ADAMTS19: variants seen among roughly 807,000 people sequenced by gnomAD.
ADAMTS19 encodes the protein ADAM metallopeptidase with thrombospondin type 1 motif 19, also known as A disintegrin and metalloproteinase with thrombospondin motifs 19.
In ADAMTS19, 93 loss-of-function variants were observed where a neutral mutation model predicts 153.3. That is an observed-to-expected ratio of 0.61 (90% CI 0.51 to 0.72). The LOEUF is 0.72. Among genes scored for constraint, ADAMTS19 ranks in the 30% least tolerant of loss-of-function variants. The probability of loss-of-function intolerance (pLI) is 0.00; values close to 1 mark genes in which losing one functional copy is unlikely to be tolerated. For synonymous variants in ADAMTS19, 600 were observed against 556.6 expected (o/e 1.08, Z -1.10); for missense variants, 1,482 against 1,552.1 (o/e 0.95, Z 0.76).
At chr5:129,539,526 A>G (rs1250782951) in intron 6 of ADAMTS19, among the ~76,000 whole-genome samples, 1 of 152,048 alleles carries the variant, frequency 6.6e-6, no homozygotes, top group Non-Finnish European at 1.5e-5. Flanking sequence ...TAAGCCACTA[A>G]GTTCATGGTA....
intron 16 of ADAMTS19, 37 bp downstream of exon 16, chr5:129,665,616 C>G: frequency 6.7e-7 from 1 of 1,501,404 alleles, no homozygotes; most frequent in Non-Finnish European, 9.2e-7. Context: ...GATCCAAGTA[C>G]GAGCCCAACT....
At chr5:129,607,215 C>G (rs1360253264) in intron 8 of ADAMTS19, among the ~76,000 whole-genome samples, 1 of 152,196 alleles carries the variant, frequency 6.6e-6, no homozygotes, top group Non-Finnish European at 1.5e-5. Flanking sequence ...CCACACCCAG[C>G]CTGTTTCCAC....
intron 17 of ADAMTS19, among the ~76,000 whole-genome samples, chr5:129,680,645 C>G (rs1336258946): frequency 2.0e-5 from 3 of 151,704 alleles, no homozygotes; most frequent in Non-Finnish European, 2.9e-5. Flanking sequence ...GCCTGTAATC[C>G]CAGCTACTCA....
At chr5:129,519,364 C>T (rs1341102637) in intron 3 of ADAMTS19, among the ~76,000 whole-genome samples, 2 of 152,050 alleles carry the variant, frequency 1.3e-5, no homozygotes, top group Non-Finnish European at 2.9e-5. Context: ...ACAAAGTCTT[C>T]CACACGTTTC....
chr5:129,650,246 T>C (rs1055120619), intron 13 of ADAMTS19, among the ~76,000 whole-genome samples: 4 of 152,146 alleles, frequency 2.6e-5, no homozygotes, highest in Admixed American at 6.5e-5. Context: ...CCACCAAAAG[T>C]GGTGACAGAT....
At chr5:129,535,573 T>A (rs928190088) in intron 6 of ADAMTS19, among the ~76,000 whole-genome samples, 1 of 152,126 alleles carries the variant, frequency 6.6e-6, no homozygotes, top group Non-Finnish European at 1.5e-5. Flanking sequence ...TTAAAGTTCA[T>A]AGGGAACCAA....
chr5:129,535,200 A>T (rs2126784519), intron 6 of ADAMTS19, among the ~76,000 whole-genome samples: 1 of 152,354 alleles, frequency 6.6e-6, no homozygotes, highest in Admixed American at 6.5e-5. Flanking sequence ...TAAGCTGATA[A>T]GCAACTTCAG....
At chr5:129,673,208 CTA>C (rs1754391743) in intron 16 of ADAMTS19, among the ~76,000 whole-genome samples, 1 of 151,912 alleles carries the variant, frequency 6.6e-6, no homozygotes, top group Non-Finnish European at 1.5e-5. Context: ...TTTCTTGCTT[CTA>C]TTTACATTGG....
intron 3 of ADAMTS19, among the ~76,000 whole-genome samples, chr5:129,516,224 A>G (rs1751599761): frequency 1.3e-5 from 2 of 150,312 alleles, no homozygotes; most frequent in African/African-American, 4.9e-5. Context: ...AGTATTCATC[A>G]GAAATATTAG....
At chr5:129,611,590 G>T (rs564134878) in intron 8 of ADAMTS19, among the ~76,000 whole-genome samples, 69 of 152,264 alleles carry the variant, frequency 4.5e-4, no homozygotes, top group African/African-American at 1.7e-3. Flanking sequence ...TCAAAGATCA[G>T]ATGGTTGTAG....
chr5:129,576,024 A>C (rs1443781085), intron 7 of ADAMTS19, among the ~76,000 whole-genome samples: 1 of 151,316 alleles, frequency 6.6e-6, no homozygotes, highest in Non-Finnish European at 1.5e-5. Flanking sequence ...ATATAAAAGC[A>C]ATCCATCTCA....
intron 6 of ADAMTS19, among the ~76,000 whole-genome samples, chr5:129,540,706 C>T (rs1247194251): frequency 6.6e-6 from 1 of 151,946 alleles, no homozygotes; most frequent in Non-Finnish European, 1.5e-5. Flanking sequence ...ATAGGTATAT[C>T]CCCAGGCACT....
intron 13 of ADAMTS19, among the ~76,000 whole-genome samples, chr5:129,650,785 G>C (rs907986939): frequency 1.5e-4 from 23 of 152,090 alleles, no homozygotes; most frequent in African/African-American, 5.3e-4. Context: ...TTCCCCTCAA[G>C]ATCATAGCCA....
intron 10 of ADAMTS19, among the ~76,000 whole-genome samples, chr5:129,637,050 T>A (rs1752563815): frequency 6.6e-6 from 1 of 152,096 alleles, no homozygotes; most frequent in Admixed American, 6.5e-5. Flanking sequence ...TTTTTGCCTC[T>A]TTGAATATAT....
intron 7 of ADAMTS19, among the ~76,000 whole-genome samples, chr5:129,577,666 G>C (rs1421316335): frequency 1.3e-5 from 2 of 152,078 alleles, no homozygotes; most frequent in African/African-American, 2.4e-5. Context: ...TTTGAGAAAT[G>C]ACCAAGAGAA....
At position 129,627,510 on chromosome 5, in the gene ADAMTS19, A is replaced by T. The variant is rs374472610; in HGVS notation, c.1770+5162A>T. On this transcript the variant is annotated intron_variant, in intron 10 of 22. Transcript: ENST00000274487. ...ACAAAAATAAAATTTGACAAATGGG[A>T]CCTAATTAAACTTAAGAGCTCTGCA... Among the ~76,000 whole-genome samples, 4 of 152,214 alleles carry T rather than the reference A, an allele frequency of 2.6e-5. No homozygotes were observed. In the East Asian group the frequency reaches 7.7e-4, roughly 29 times the overall value.
At chr5:129,643,383 A>G (rs147240638) in intron 11 of ADAMTS19, among the ~76,000 whole-genome samples, 13,493 of 108,222 alleles carry the variant, frequency 0.12, 672 homozygotes, top group Middle Eastern at 0.2. Context: ...AAAAAAAAAA[A>G]AAAGAAAAAA....
intron 7 of ADAMTS19, among the ~76,000 whole-genome samples, chr5:129,576,061 T>C (rs910625939): frequency 6.1e-5 from 9 of 147,090 alleles, no homozygotes; most frequent in African/African-American, 2.2e-4. Context: ...AGGAAGGGGG[T>C]GGGTGGGTCT....
intron 10 of ADAMTS19, among the ~76,000 whole-genome samples, chr5:129,627,760 A>G (rs1045744982): frequency 6.6e-6 from 1 of 152,190 alleles, no homozygotes; most frequent in Non-Finnish European, 1.5e-5. Flanking sequence ...CACACCAGTC[A>G]GAATGGCTAT....
Sources: gnomAD v4.1 joint callset for allele counts (sites outside exome capture counted in the v4.1 genomes callset) on GRCh38, gnomAD v4.1.1 for gene constraint, MANE v1.5 for transcripts, NCBI Gene and HGNC (gene_info 2026-07-23, HGNC 2026-07-21) for gene names.